CALN1: variants seen among roughly 807,000 people sequenced by gnomAD.
CALN1 encodes the protein calcium-binding protein 8.
CALN1 carries 17 observed loss-of-function variants against 30.6 expected under a neutral mutation model. The ratio of observed to expected loss-of-function variants is 0.56; its 90% CI spans 0.38 to 0.83. CALN1 has a LOEUF of 0.83. Ranked by LOEUF, CALN1 falls within the 40% of genes least tolerant of loss-of-function variation. The pLI, the probability that CALN1 is intolerant of heterozygous loss-of-function variation, is 0.00. For missense variants in CALN1, 291 were observed against 354.9 expected, an observed-to-expected ratio of 0.82 and a Z score of 1.45; for synonymous variants, 156 against 131.4, an observed-to-expected ratio of 1.19 and a Z score of -1.28.
rs77548930 is a variant in CALN1, at chr7:72,364,175, C to A, written c.119+39076G>T. On this transcript the variant is annotated intron_variant, in intron 2 of 6. Transcript: ENST00000395275. ...TCAGTAGAGAAGCATACCTCATTACCAGATAAGAAAATACTTTTGTAAAGA... is the reference window on the plus strand; with the variant it reads ...TCAGTAGAGAAGCATACCTCATTACAAGATAAGAAAATACTTTTGTAAAGA... Among the ~76,000 whole-genome samples, 530 of 152,114 alleles carry A rather than the reference C, an allele frequency of 3.5e-3. 4 individuals carry two copies. The highest frequency in any genetic ancestry group is 0.017 in the Middle Eastern group (5 of 294).
chr7:72,156,033 C>T (rs2129544500), intron 3 of CALN1, among the ~76,000 whole-genome samples: 1 of 152,234 alleles, frequency 6.6e-6, no homozygotes, highest in Non-Finnish European at 1.5e-5. Flanking sequence ...CTGCAAAGTC[C>T]CTTTTGCCAT....
chr7:72,195,591 C>A (rs746075534), intron 3 of CALN1, among the ~76,000 whole-genome samples: 1 of 152,252 alleles, frequency 6.6e-6, no homozygotes, highest in Middle Eastern at 3.4e-3. Flanking sequence ...GTTGTCCAGG[C>A]TGCTCTCTAA....
At chr7:72,181,455 A>G (rs1789798424) in intron 3 of CALN1, among the ~76,000 whole-genome samples, 1 of 150,984 alleles carries the variant, frequency 6.6e-6, no homozygotes, top group South Asian at 2.1e-4. Context: ...CTTAGCACAC[A>G]CTGCCTAGCT....
rs558761396 is a variant in CALN1, at chr7:72,308,716, TCTC to T, written c.120-29909_120-29907del. On this transcript the variant is annotated intron_variant, in intron 2 of 6. Transcript: ENST00000395275. ...TTTTTTTGGTCTCTGCCTTTTTGCT[TCTC>T]CTGTCAGCTGGGACCCTCCTCTTAG... 1.2e-4 allele frequency among the ~76,000 whole-genome samples: 18 copies of T among 152,132 alleles called. No homozygotes were observed. In the East Asian group the frequency reaches 3.3e-3, roughly 28 times the overall value.
chr7:72,320,688 A>G (rs1800810676), intron 2 of CALN1, among the ~76,000 whole-genome samples: 1 of 151,892 alleles, frequency 6.6e-6, no homozygotes, highest in Non-Finnish European at 1.5e-5. Context: ...TACAAAAATT[A>G]CCCAGGCATG....
At chr7:72,490,000 T>C in the CALN1 span, among the ~76,000 whole-genome samples, 1 of 152,180 alleles carries the variant, frequency 6.6e-6, no homozygotes, top group Non-Finnish European at 1.5e-5. Flanking sequence ...CCATTCCAGA[T>C]AAAAATTACT....
intron 2 of CALN1, among the ~76,000 whole-genome samples, chr7:72,316,243 C>A (rs1800437193): frequency 6.6e-6 from 1 of 151,844 alleles, no homozygotes; most frequent in African/African-American, 2.4e-5. Flanking sequence ...CAACACGTGG[C>A]ACACCCATTT....
At chr7:72,360,272 T>G (rs1803494547) in intron 2 of CALN1, among the ~76,000 whole-genome samples, 1 of 152,150 alleles carries the variant, frequency 6.6e-6, no homozygotes, top group Non-Finnish European at 1.5e-5. Context: ...CTGCTAAATA[T>G]TTAATGGTGA....
chr7:72,097,101 T>C (rs562487101), intron 4 of CALN1, among the ~76,000 whole-genome samples: 17 of 152,138 alleles, frequency 1.1e-4, no homozygotes, highest in South Asian at 4.2e-4. Context: ...TAGGTGGGAA[T>C]TGAACAATGA....
intron 3 of CALN1, among the ~76,000 whole-genome samples, chr7:72,216,806 C>T (rs1171860455): frequency 6.6e-6 from 1 of 152,280 alleles, no homozygotes; most frequent in African/African-American, 2.4e-5. Context: ...GGCTGGAGTT[C>T]AGTAGCACAA....
intron 5 of CALN1, among the ~76,000 whole-genome samples, chr7:71,916,840 G>A (rs10950286): frequency 0.23 from 34,471 of 152,084 alleles, 4,473 homozygotes; most frequent in African/African-American, 0.35. Context: ...TTCTTGCGAT[G>A]TAAGTAGCAT....
intron 3 of CALN1, among the ~76,000 whole-genome samples, chr7:72,235,010 T>G (rs1794380151): frequency 6.6e-6 from 1 of 152,202 alleles, no homozygotes; most frequent in African/African-American, 2.4e-5. Context: ...GGCTCATGCC[T>G]GTAATCCTAC....
chr7:72,383,189 G>A (rs779008764), intron 2 of CALN1, among the ~76,000 whole-genome samples: 6 of 152,152 alleles, frequency 3.9e-5, no homozygotes, highest in Non-Finnish European at 8.8e-5. Flanking sequence ...TTGATTCCAT[G>A]TCTTTGCTAT....
chr7:71,824,810 ACTT>A (rs1344514700), intron 5 of CALN1, among the ~76,000 whole-genome samples: 1 of 152,170 alleles, frequency 6.6e-6, no homozygotes, highest in Non-Finnish European at 1.5e-5. Context: ...ATGGGTCAGA[ACTT>A]CTTAACCAGG....
At chr7:72,115,974 C>G (rs1392060153) in intron 3 of CALN1, among the ~76,000 whole-genome samples, 1 of 152,146 alleles carries the variant, frequency 6.6e-6, no homozygotes, top group African/African-American at 2.4e-5. Context: ...CCAGTTCCAT[C>G]CATGGTCCTG....
chr7:72,056,245 G>A (rs995201537), intron 4 of CALN1, among the ~76,000 whole-genome samples: 1 of 152,022 alleles, frequency 6.6e-6, no homozygotes, highest in Non-Finnish European at 1.5e-5. Context: ...TTGGTCATTT[G>A]GAAGAATGAG....
At chr7:72,406,108 C>T (rs1806676801) in intron 1 of CALN1, among the ~76,000 whole-genome samples, 1 of 152,202 alleles carries the variant, frequency 6.6e-6, no homozygotes, top group Non-Finnish European at 1.5e-5. Flanking sequence ...GCCAGAGAAA[C>T]ACAAAGCCAG....
At chr7:71,797,868 A>G (rs1006125065) in intron 6 of CALN1, among the ~76,000 whole-genome samples, 20 of 152,184 alleles carry the variant, frequency 1.3e-4, no homozygotes, top group African/African-American at 3.9e-4. Context: ...ACCAGGTGTC[A>G]TACCCAAAGA....
intron 2 of CALN1, among the ~76,000 whole-genome samples, chr7:72,378,834 C>G (rs367965162): frequency 6.6e-6 from 1 of 152,134 alleles, no homozygotes; most frequent in African/African-American, 2.4e-5. Context: ...TCCCAAAGTG[C>G]TGCAATTACA....
Sources: gnomAD v4.1 joint callset for allele counts (sites outside exome capture counted in the v4.1 genomes callset) on GRCh38, gnomAD v4.1.1 for gene constraint, MANE v1.5 for transcripts, NCBI Gene and HGNC (gene_info 2026-07-23, HGNC 2026-07-21) for gene names.